Variants in SEMA3C observed in about 807,000 individuals in gnomAD.
The protein encoded by SEMA3C is semaphorin 3C, also known as semaphorin-3C.
In SEMA3C, 47 loss-of-function variants were observed where a neutral mutation model predicts 89.4. The ratio of observed to expected loss-of-function variants is 0.53; its 90% CI spans 0.42 to 0.67. SEMA3C has a LOEUF of 0.67. Ranked by LOEUF, SEMA3C falls within the 30% of genes least tolerant of loss-of-function variation. The pLI is 0.00. For missense variants in SEMA3C, 839 were observed against 929.1 expected, an observed-to-expected ratio of 0.90 and a Z score of 1.26; for synonymous variants, 310 against 320.2, an observed-to-expected ratio of 0.97 and a Z score of 0.34.
intron 5 of SEMA3C, among the ~76,000 whole-genome samples, chr7:80,817,579 A>G (rs1360978280): frequency 6.6e-6 from 1 of 150,478 alleles, no homozygotes; most frequent in Non-Finnish European, 1.5e-5. Context: ...AGACAGGCTT[A>G]AGTAGCACAG....
chr7:80,748,110 A>G (rs995878858), intron 17 of SEMA3C, among the ~76,000 whole-genome samples: 1 of 152,166 alleles, frequency 6.6e-6, no homozygotes, highest in Non-Finnish European at 1.5e-5. Context: ...CCTTGGCTCC[A>G]TCAACTTTAT....
chr7:80,836,717 C>T (rs962194934), intron 2 of SEMA3C, among the ~76,000 whole-genome samples: 1 of 142,140 alleles, frequency 7.0e-6, no homozygotes, highest in Middle Eastern at 3.6e-3. Flanking sequence ...CAAACAAAAA[C>T]AGACAGACAG....
chr7:80,921,122 A>G (rs1584013949), upstream of SEMA3C, among the ~76,000 whole-genome samples: 1 of 152,320 alleles, frequency 6.6e-6, no homozygotes, highest in Non-Finnish European at 1.5e-5. Flanking sequence ...CAATTTACAA[A>G]CACCAATGAA....
intron 15 of SEMA3C, among the ~76,000 whole-genome samples, chr7:80,757,008 T>C (rs1224043005): frequency 2.0e-5 from 3 of 152,236 alleles, no homozygotes; most frequent in East Asian, 3.8e-4. Flanking sequence ...TTTCCTGTTA[T>C]ATGCCTAGCT....
intron 12 of SEMA3C, among the ~76,000 whole-genome samples, chr7:80,771,270 C>T (rs768060212): frequency 7.9e-5 from 12 of 152,170 alleles, no homozygotes; most frequent in Non-Finnish European, 1.6e-4. Flanking sequence ...ATTTTCTCTT[C>T]TGTGAGGTAC....
At chr7:80,808,927 ACCACGC>A (rs1789403920) in intron 6 of SEMA3C, among the ~76,000 whole-genome samples, 2 of 152,058 alleles carry the variant, frequency 1.3e-5, no homozygotes, top group African/African-American at 2.4e-5. Flanking sequence ...GGTGCACGCC[ACCACGC>A]CCGGCTCATT....
chr7:80,769,099 T>C (rs963690539), intron 12 of SEMA3C, among the ~76,000 whole-genome samples: 16 of 152,228 alleles, frequency 1.1e-4, no homozygotes, highest in African/African-American at 3.9e-4. Context: ...ATAGTTGTAC[T>C]ATTTATGAGG....
At chr7:80,754,966 T>TTGTTTTTTTTGTTTTTTTTTTG (rs1554359516) in intron 15 of SEMA3C, among the ~76,000 whole-genome samples, 1 of 139,038 alleles carries the variant, frequency 7.2e-6, no homozygotes, top group African/African-American at 2.6e-5. Context: ...TGTTTTTTTT[T>TTGTTTTTTTTGTTTTTTTTTTG]TTTTTGTATT....
intron 2 of SEMA3C, among the ~76,000 whole-genome samples, chr7:80,908,256 T>C (rs1792059837): frequency 6.6e-6 from 1 of 152,184 alleles, no homozygotes. Context: ...CAGTTTCTAA[T>C]TTTGTTACTG....
At chr7:80,767,263 G>A (rs1397276600) in intron 12 of SEMA3C, among the ~76,000 whole-genome samples, 1 of 152,144 alleles carries the variant, frequency 6.6e-6, no homozygotes, top group Non-Finnish European at 1.5e-5. Context: ...TTGGCAATAT[G>A]TTTCTTTGGA....
chr7:80,785,744 G>A (rs1212280050), intron 12 of SEMA3C, among the ~76,000 whole-genome samples: 1 of 152,140 alleles, frequency 6.6e-6, no homozygotes, highest in Non-Finnish European at 1.5e-5. Context: ...GAGTAGCTGG[G>A]ATTACAGGCA....
At chr7:80,843,435 T>A (rs1347832537) in intron 2 of SEMA3C, among the ~76,000 whole-genome samples, 5 of 152,132 alleles carry the variant, frequency 3.3e-5, no homozygotes, top group African/African-American at 1.2e-4. Context: ...TGAAGACAAA[T>A]CTATTCTAAA....
At chr7:80,843,909 A>G (rs1240924855) in intron 2 of SEMA3C, among the ~76,000 whole-genome samples, 1 of 151,610 alleles carries the variant, frequency 6.6e-6, no homozygotes, top group Non-Finnish European at 1.5e-5. Context: ...CACACTACCT[A>G]ATTCCTACTG....
Position 80,743,090 on chromosome 7 carries a change from T to C in SEMA3C, c.*1804A>G, listed in dbSNP as rs528436166. Reference sequence around the variant, plus strand: ...CACAGAAGATGGTTTTGGCTTTACATTGACACATTTCTGTGTGTCAATGTA... The same window carrying C: ...CACAGAAGATGGTTTTGGCTTTACACTGACACATTTCTGTGTGTCAATGTA... On this transcript the variant is annotated 3_prime_UTR_variant, in exon 18 of 18. Coordinates refer to ENST00000265361, the MANE Select transcript of SEMA3C (RefSeq NM_006379.5). 6 of 152,050 alleles carry C rather than the reference T, an allele frequency of 3.9e-5. No individual in the cohort carries two copies. Among genetic ancestry groups the C allele is most frequent in the African/African-American group, 9.6e-5 (4 of 41,554 alleles). 9.4% of individuals were successfully genotyped at this position (152,050 alleles called of 1,614,324 possible).
chr7:80,870,076 C>T (rs1791019865), intron 2 of SEMA3C, among the ~76,000 whole-genome samples: 1 of 152,128 alleles, frequency 6.6e-6, no homozygotes, highest in South Asian at 2.1e-4. Context: ...GGTCCACTGT[C>T]CTCCATGCTC....
chr7:80,903,554 C>G (rs921107221), intron 2 of SEMA3C, among the ~76,000 whole-genome samples: 6 of 152,040 alleles, frequency 3.9e-5, no homozygotes, highest in Admixed American at 2.0e-4. Flanking sequence ...TCCAGCTACT[C>G]AGGAGGCTGA....
At chr7:80,910,597 G>A (rs1792120031) in intron 2 of SEMA3C, among the ~76,000 whole-genome samples, 1 of 149,656 alleles carries the variant, frequency 6.7e-6, no homozygotes, top group Non-Finnish European at 1.5e-5. Context: ...AAATGCAGAA[G>A]GCAAAAAAGT....
intron 2 of SEMA3C, among the ~76,000 whole-genome samples, chr7:80,869,626 T>C (rs1791010383): frequency 6.6e-6 from 1 of 152,214 alleles, no homozygotes; most frequent in Non-Finnish European, 1.5e-5. Context: ...AGAAGAGCCA[T>C]AAGCACCTAA....
At chr7:80,913,681 G>C (rs1257615098) in intron 2 of SEMA3C, among the ~76,000 whole-genome samples, 1 of 152,142 alleles carries the variant, frequency 6.6e-6, no homozygotes, top group Non-Finnish European at 1.5e-5. Context: ...GAAGTCACAG[G>C]TCTCAACATA....
Sources: allele counts gnomAD v4.1 joint callset (sites outside exome capture counted in the v4.1 genomes callset), GRCh38; gene constraint gnomAD v4.1.1; transcripts MANE v1.5; gene names NCBI Gene and HGNC (gene_info 2026-07-23, HGNC 2026-07-21).